FARP2: variants seen among roughly 807,000 people sequenced by gnomAD.
FARP2 encodes FERM, ARH/RhoGEF and pleckstrin domain protein 2.
A neutral mutation model predicts 130.5 loss-of-function variants in FARP2; 111 were observed. That is an observed-to-expected ratio of 0.85 (90% CI 0.73 to 1.00). The LOEUF (loss-of-function observed/expected upper bound fraction) is 1.00. FARP2 is among the 50% of genes least tolerant of loss of function. The pLI, the probability that FARP2 is intolerant of heterozygous loss-of-function variation, is 0.00. For missense variants in FARP2, 1,385 were observed against 1,346.3 expected (o/e 1.03, Z -0.45); for synonymous variants, 504 against 516.9 (o/e 0.98, Z 0.34).
chr2:241,480,441 G>A (rs2064585156), intron 19 of FARP2, among the ~76,000 whole-genome samples: 1 of 152,158 alleles, frequency 6.6e-6, no homozygotes, highest in Non-Finnish European at 1.5e-5. Context: ...GGCAGCCACT[G>A]TGGGCCCTCA....
intron 18 of FARP2, among the ~76,000 whole-genome samples, chr2:241,472,176 C>A (rs900269255): frequency 1.4e-5 from 2 of 148,100 alleles, no homozygotes; most frequent in African/African-American, 2.5e-5. Context: ...TAGGGGGATC[C>A]TGTTCTGAGG....
intron 8 of FARP2, among the ~76,000 whole-genome samples, chr2:241,421,446 G>A (rs910779718): frequency 1.3e-5 from 2 of 152,234 alleles, no homozygotes; most frequent in African/African-American, 4.8e-5. Flanking sequence ...ATTCTAGCCA[G>A]CCAACAGCAG....
At chr2:241,398,848 C>T (rs537929043) in intron 2 of FARP2, among the ~76,000 whole-genome samples, 17 of 152,178 alleles carry the variant, frequency 1.1e-4, no homozygotes, top group Non-Finnish European at 2.2e-4. Flanking sequence ...GGATTACAGG[C>T]GTGAGCCACC....
chr2:241,475,968 A>G lies in FARP2; in HGVS notation c.2243A>G (p.Asn748Ser). ...ELQRDLVGIENLIAPGREFIR... is the reference protein window; with the variant it reads ...ELQRDLVGIESLIAPGREFIR... ...CAGCGGGACCTGGTGGGCATAGAGA[A>G]CCTCATTGCTCCTGGCAGGGTGAGT... is the stretch of plus-strand genomic sequence containing the variant. Residue 748 changes from asparagine to serine, a missense_variant, in exon 19 of 27, where the codon AAC becomes AGC. Transcript: ENST00000264042. This position sits in a 1 kb window ranked among gnomAD's most constrained non-coding sequence, Gnocchi z 4.4. 6.2e-7 allele frequency: 1 copy of G among 1,613,210 alleles called. No homozygotes were observed. The highest frequency in any genetic ancestry group is 1.1e-5 in the South Asian group (1 of 90,958).
intron 1 of FARP2, among the ~76,000 whole-genome samples, chr2:241,357,620 C>G (rs2061098333): frequency 6.6e-6 from 1 of 152,112 alleles, no homozygotes; most frequent in Non-Finnish European, 1.5e-5. Context: ...GGTGGAATGA[C>G]CAGTTTAGGG....
At chr2:241,441,606 G>A (rs764769016) in intron 13 of FARP2, 50 bp downstream of exon 13, 1 of 1,613,158 alleles carries the variant, frequency 6.2e-7, no homozygotes. Context: ...TCTGTGCTGG[G>A]GGGCAGAGTT....
intron 12 of FARP2, among the ~76,000 whole-genome samples, chr2:241,439,870 A>G (rs997876183): frequency 6.6e-6 from 1 of 152,144 alleles, no homozygotes; most frequent in African/African-American, 2.4e-5. Context: ...AGACCGGAGA[A>G]TTGCTTGAAC....
chr2:241,456,989 G>A (rs902671041), intron 14 of FARP2, 67 bp downstream of exon 14: 22 of 1,409,278 alleles, frequency 1.6e-5, no homozygotes, highest in Admixed American at 7.8e-5. Context: ...CTGTTCCTTC[G>A]GGTGGTGCTG....
chr2:241,469,587 G>A (rs2064257481), intron 18 of FARP2, among the ~76,000 whole-genome samples: 1 of 152,178 alleles, frequency 6.6e-6, no homozygotes, highest in Non-Finnish European at 1.5e-5. Flanking sequence ...TTAAAAAGGA[G>A]AAGGACAAAA....
chr2:241,382,710 A>G (rs1317895353), intron 2 of FARP2, among the ~76,000 whole-genome samples: 2 of 152,208 alleles, frequency 1.3e-5, no homozygotes, highest in Non-Finnish European at 2.9e-5. Context: ...GTATTCCAGA[A>G]ACAGCAGAAG....
chr2:241,460,110 A>T (rs2063974882), intron 14 of FARP2, among the ~76,000 whole-genome samples: 1 of 151,290 alleles, frequency 6.6e-6, no homozygotes, highest in Non-Finnish European at 1.5e-5. Context: ...CCTCTACCAG[A>T]CTCTCCCCCA....
At chr2:241,454,350 G>A (rs1490901932) in intron 13 of FARP2, among the ~76,000 whole-genome samples, 1 of 152,186 alleles carries the variant, frequency 6.6e-6, no homozygotes, top group Admixed American at 6.5e-5. Context: ...AGTGAAGGCC[G>A]ACGCTGACTT....
At chr2:241,389,678 T>C (rs2061863750) in intron 2 of FARP2, among the ~76,000 whole-genome samples, 1 of 152,270 alleles carries the variant, frequency 6.6e-6, no homozygotes, top group African/African-American at 2.4e-5. Context: ...TCCTTCTCTT[T>C]CTGGAGCTCT....
chr2:241,491,345 A>G (rs373197296), intron 23 of FARP2, among the ~76,000 whole-genome samples, 166 bp downstream of exon 23: 3 of 152,166 alleles, frequency 2.0e-5, no homozygotes, highest in Non-Finnish European at 2.9e-5. Flanking sequence ...AGAGGTGTCA[A>G]TCAGCTGCTC....
chr2:241,415,940 C>T (rs749347438), intron 7 of FARP2, among the ~76,000 whole-genome samples: 2 of 150,736 alleles, frequency 1.3e-5, no homozygotes, highest in East Asian at 1.9e-4. Context: ...GCACTTATGT[C>T]GAGAAGCCTG....
chr2:241,469,074 T>A (rs1049883826), intron 18 of FARP2, among the ~76,000 whole-genome samples: 1 of 151,432 alleles, frequency 6.6e-6, no homozygotes, highest in African/African-American at 2.4e-5. Context: ...TGTTTTTGTT[T>A]ATGTTTATGG....
chr2:241,463,752 G>T (rs747745748), intron 16 of FARP2, 147 bp from the exon 17 acceptor site: 63 of 742,106 alleles, frequency 8.5e-5, no homozygotes, highest in Non-Finnish European at 1.2e-4. Context: ...TCCATCCAGG[G>T]CAGGCCCTGC....
chr2:241,491,670 A>T lies in FARP2; in HGVS notation c.2778A>T (p.Ala926=). The change falls in exon 24 of 27, where the codon GCA becomes GCT. Residue 926 remains alanine (A), a synonymous_variant. Coordinates refer to ENST00000264042, the MANE Select transcript of FARP2 (RefSeq NM_014808.4). ...GCGTGTCCAGGGCAGACCACAGTGC[A>T]GCTGTCGAGGTACGACCGCATGAGC... ...NTSVSRADHS[A]AVENQLSGYL... is the part of the protein sequence containing the mutation. 1.2e-6 allele frequency: 2 copies of T among 1,603,344 alleles called. No homozygotes were observed. Among genetic ancestry groups the T allele is most frequent in the Non-Finnish European group, 1.7e-6 (2 of 1,173,542 alleles).
intron 2 of FARP2, among the ~76,000 whole-genome samples, chr2:241,376,810 C>CT (rs2061545882): frequency 6.6e-6 from 1 of 152,196 alleles, no homozygotes; most frequent in Admixed American, 6.5e-5. Flanking sequence ...AGTGAGACCC[C>CT]TGGCTGGGCA....
Sources: allele counts gnomAD v4.1 joint callset (sites outside exome capture counted in the v4.1 genomes callset), GRCh38; gene constraint gnomAD v4.1.1; non-coding constraint Gnocchi (gnomAD v3.1); transcripts MANE v1.5; gene names NCBI Gene and HGNC (gene_info 2026-07-23, HGNC 2026-07-21).